ETNK1: variants seen among roughly 807,000 people sequenced by gnomAD.
ETNK1 encodes ethanolamine kinase 1.
ETNK1 carries 8 observed loss-of-function variants against 45.1 expected under a neutral mutation model. That is an observed-to-expected ratio of 0.18 (90% confidence interval 0.10 to 0.32). The LOEUF (loss-of-function observed/expected upper bound fraction) is 0.32. ETNK1 is among the 10% of genes least tolerant of loss of function. The pLI, the probability that ETNK1 is intolerant of heterozygous loss-of-function variation, is 1.00. For synonymous variants in ETNK1, 152 were observed against 151.9 expected, an observed-to-expected ratio of 1.00 and a Z score of -0.01; for missense variants, 302 against 430.6, an observed-to-expected ratio of 0.70 and a Z score of 2.64.
At chr12:22,684,765 T>C (rs1954245144) in intron 7 of ETNK1, 117 bp from the exon 8 acceptor site, 5 of 858,682 alleles carry the variant, frequency 5.8e-6, no homozygotes, top group Non-Finnish European at 9.0e-6. Context: ...ACTAAAAATA[T>C]GTCCTTTGAA....
At chr12:22,638,637 C>T (rs972120904) in intron 1 of ETNK1, 3 of 152,058 alleles carry the variant, frequency 2.0e-5, no homozygotes, top group African/African-American at 4.8e-5. Flanking sequence ...TTATATAATT[C>T]TCTAATAGAG....
intron 2 of ETNK1, among the ~76,000 whole-genome samples, chr12:22,655,426 G>A (rs1308289445): frequency 1.7e-4 from 25 of 144,250 alleles, no homozygotes; most frequent in Admixed American, 1.6e-3. Flanking sequence ...AACCTCCGCC[G>A]CCTGGGTTCA....
chr12:22,649,009 G>A (rs1953841856), intron 2 of ETNK1, among the ~76,000 whole-genome samples: 1 of 151,944 alleles, frequency 6.6e-6, no homozygotes, highest in Non-Finnish European at 1.5e-5. Flanking sequence ...ACTCATCTGT[G>A]TATCTTTGAT....
At position 22,684,463 on chromosome 12, in the gene ETNK1, T is replaced by A; in HGVS notation, c.946-20T>A. ...GAAATTCATTATCATAATTTTTGAT[T>A]TTTCTTTCCTTCTTTTAAGGCTTCT... On this transcript the variant is annotated intron_variant, in intron 6 of 7. Coordinates refer to ENST00000266517, the MANE Select transcript of ETNK1 (RefSeq NM_018638.5). 2 of 1,583,262 alleles carry A rather than the reference T, an allele frequency of 1.3e-6. No homozygotes were observed. Among genetic ancestry groups the A allele is most frequent in the Middle Eastern group, 3.4e-4 (2 of 5,864 alleles).
intron 6 of ETNK1, among the ~76,000 whole-genome samples, chr12:22,683,613 C>T (rs1198252846): frequency 2.6e-5 from 4 of 152,114 alleles, no homozygotes; most frequent in Non-Finnish European, 5.9e-5. Context: ...AGAGCCTGGA[C>T]TGGAACCTCT....
intron 1 of ETNK1, among the ~76,000 whole-genome samples, chr12:22,636,912 A>C (rs754977965): frequency 5.9e-5 from 9 of 152,200 alleles, no homozygotes; most frequent in Non-Finnish European, 8.8e-5. Context: ...AAAAAATTTA[A>C]ATCAAAATAT....
intron 6 of ETNK1, 133 bp from the exon 7 acceptor site, chr12:22,684,350 A>T (rs962100791): frequency 1.6e-6 from 1 of 635,856 alleles, no homozygotes; most frequent in African/African-American, 1.9e-5. Context: ...TAGGTTTTAG[A>T]CGCTTTATAT....
At chr12:22,643,051 CCT>C (rs1357169031) in intron 1 of ETNK1, among the ~76,000 whole-genome samples, 2 of 151,950 alleles carry the variant, frequency 1.3e-5, no homozygotes, top group Non-Finnish European at 2.9e-5. Flanking sequence ...TCTCTACTTA[CCT>C]CTTTTTTCTT....
At chr12:22,658,657 T>C (rs1953968619) in intron 2 of ETNK1, among the ~76,000 whole-genome samples, 2 of 152,242 alleles carry the variant, frequency 1.3e-5, no homozygotes, top group African/African-American at 4.8e-5. Flanking sequence ...AGTGGGAATG[T>C]ATACCCAAGG....
At chr12:22,658,294 C>T (rs1360792469) in intron 2 of ETNK1, among the ~76,000 whole-genome samples, 10 of 152,068 alleles carry the variant, frequency 6.6e-5, no homozygotes, top group African/African-American at 2.2e-4. Context: ...TCAAAAGAAG[C>T]GTGGGACTCC....
At chr12:22,674,998 T>C (rs1050774013) in intron 6 of ETNK1, among the ~76,000 whole-genome samples, 2 of 152,234 alleles carry the variant, frequency 1.3e-5, no homozygotes, top group African/African-American at 4.8e-5. Flanking sequence ...CCAAATAAGA[T>C]GTACAGAATA....
Position 22,685,204 on chromosome 12 carries a change from T to C in ETNK1, c.*250T>C, listed in dbSNP as rs1954250255. The C allele has an allele frequency of 6.2e-6, 2 of 323,864 alleles. No homozygotes were observed. Among genetic ancestry groups the C allele is most frequent in the Admixed American group, 4.5e-5 (1 of 21,990 alleles). 20.1% of individuals were successfully genotyped at this position (323,864 alleles called of 1,614,324 possible). A position where few individuals can be genotyped will look rare whatever the true frequency, so the allele number is the denominator to read the frequency against. The stretch of plus-strand genomic sequence containing the variant: ...TGCAAAAGGTATAAAGATGTCAGTT[T>C]AATTTCTTTGATAATTTAACCTATG... On this transcript the variant is annotated 3_prime_UTR_variant, in exon 8 of 8. Transcript: ENST00000266517.
At chr12:22,671,774 G>T (rs1954109568) in intron 5 of ETNK1, among the ~76,000 whole-genome samples, 1 of 148,238 alleles carries the variant, frequency 6.7e-6, no homozygotes, top group Non-Finnish European at 1.5e-5. Flanking sequence ...GGGAGGCAGA[G>T]TTTGCAGTGA....
At chr12:22,647,203 A>G (rs532036192) in intron 2 of ETNK1, among the ~76,000 whole-genome samples, 1 of 151,934 alleles carries the variant, frequency 6.6e-6, no homozygotes, top group South Asian at 2.1e-4. Context: ...ATTTCTTATC[A>G]GATATTTCTT....
chr12:22,639,602 G>T (rs970532090), intron 1 of ETNK1, among the ~76,000 whole-genome samples: 4 of 151,928 alleles, frequency 2.6e-5, no homozygotes, highest in Non-Finnish European at 5.9e-5. Flanking sequence ...ACTTGAACCT[G>T]GGGGGCGGAG....
intron 6 of ETNK1, among the ~76,000 whole-genome samples, chr12:22,674,556 T>C (rs1954141824): frequency 6.6e-6 from 1 of 152,232 alleles, no homozygotes; most frequent in African/African-American, 2.4e-5. Flanking sequence ...AATGACATGC[T>C]CTACAGCTGG....
intron 4 of ETNK1, among the ~76,000 whole-genome samples, chr12:22,666,589 G>C (rs734774): frequency 0.32 from 48,189 of 151,936 alleles, 8,718 homozygotes; most frequent in Non-Finnish European, 0.42. Context: ...CATTTCTCCT[G>C]CTGTCCCCAT....
In ETNK1 at chr12:22,679,875, A is replaced by G. The variant is rs538827149; in HGVS notation, c.946-4608A>G. Among the ~76,000 whole-genome samples, 9 of 152,000 alleles carry G rather than the reference A, an allele frequency of 5.9e-5. No homozygotes were observed. In the South Asian group the frequency reaches 1.7e-3, roughly 28 times the overall value. On this transcript the variant is annotated intron_variant, in intron 6 of 7. Coordinates refer to ENST00000266517, the MANE Select transcript of ETNK1 (RefSeq NM_018638.5). ...CCCAGCTAATTTTTGTATTTTTGGT[A>G]AAGACGGGGTTTCACCATATCGGCT... is the stretch of plus-strand genomic sequence containing the variant.
chr12:22,639,350 T>C (rs1235025620), intron 1 of ETNK1, among the ~76,000 whole-genome samples: 6 of 152,108 alleles, frequency 3.9e-5, no homozygotes, highest in African/African-American at 1.4e-4. Flanking sequence ...GCCAGCCATG[T>C]GGTGTTTCTT....
Sources: gnomAD v4.1 joint callset for allele counts (sites outside exome capture counted in the v4.1 genomes callset) on GRCh38, gnomAD v4.1.1 for gene constraint, MANE v1.5 for transcripts, NCBI Gene and HGNC (gene_info 2026-07-23, HGNC 2026-07-21) for gene names.